VTCN1: variants seen among roughly 807,000 people sequenced by gnomAD.
The protein encoded by VTCN1 is V-set domain-containing T-cell activation inhibitor 1.
A neutral mutation model predicts 26.5 loss-of-function variants in VTCN1; 26 were observed. That is an observed-to-expected ratio of 0.98 (90% CI 0.72 to 1.36). The LOEUF (loss-of-function observed/expected upper bound fraction) is 1.36, where lower values mean the gene tolerates loss of function less well. Ranked by LOEUF, VTCN1 falls within the 40% of genes most tolerant of loss-of-function variation. The pLI, the probability that VTCN1 is intolerant of heterozygous loss-of-function variation, is 0.00. For synonymous variants in VTCN1, 116 were observed against 130.7 expected (o/e 0.89, Z 0.77); for missense variants, 298 against 337.7 (o/e 0.88, Z 0.92).
Position 117,153,344 on chromosome 1 carries a change from C to T in VTCN1, c.471G>A (p.Val157=), listed in dbSNP as rs183932370. The T allele has an allele frequency of 6.2e-7, 1 of 1,610,102 alleles. No individual in the cohort carries two copies. The highest frequency in any genetic ancestry group is 2.2e-5 in the East Asian group (1 of 44,726). Residue 157 remains valine (V), a synonymous_variant, in exon 4 of 6, where the codon GTG becomes GTA. Transcript: ENST00000369458. ...AGGTCTCTGAGCTGGCATTATAGTCCACATTCACTTCCGGCATGCTGAAGG... is the reference window on the plus strand; with the variant it reads ...AGGTCTCTGAGCTGGCATTATAGTCTACATTCACTTCCGGCATGCTGAAGG... ...TGAFSMPEVN[V]DYNASSETLR... is the part of the protein sequence containing the mutation.
intron 2 of VTCN1, among the ~76,000 whole-genome samples, chr1:117,168,544 G>T (rs909355359): frequency 6.6e-6 from 1 of 152,074 alleles, no homozygotes; most frequent in Non-Finnish European, 1.5e-5. Context: ...CAAGTATAAA[G>T]AAAAGGATCA....
At position 117,145,981 on chromosome 1, in the gene VTCN1, A is replaced by G. The variant is rs531442988; in HGVS notation, c.*46-756T>C. On this transcript the variant is annotated intron_variant, in intron 5 of 5. Coordinates refer to ENST00000369458, the MANE Select transcript of VTCN1 (RefSeq NM_024626.4). The surrounding 1 kb of genome is among the most constrained non-coding windows in gnomAD (Gnocchi z 4.6). Reference sequence around the variant, plus strand: ...CTACTTGATTTATGGTTATTCCTCTATGGTGCCAGGGAGAAAGAGGTGGAC... The same window carrying G: ...CTACTTGATTTATGGTTATTCCTCTGTGGTGCCAGGGAGAAAGAGGTGGAC... Among the ~76,000 whole-genome samples the G allele has an allele frequency of 3.0e-4, 46 of 152,282 alleles. No individual in the cohort carries two copies. The highest frequency in any genetic ancestry group is 9.6e-4 in the African/African-American group (40 of 41,560).
intron 3 of VTCN1, 85 bp downstream of exon 3, chr1:117,156,489 C>T: frequency 7.3e-7 from 1 of 1,363,876 alleles, no homozygotes; most frequent in Non-Finnish European, 9.8e-7. Flanking sequence ...TGATATTGGT[C>T]ACAACATATT....
intron 2 of VTCN1, among the ~76,000 whole-genome samples, chr1:117,160,378 T>C (rs890699538): frequency 1.7e-4 from 26 of 152,238 alleles, no homozygotes; most frequent in African/African-American, 5.5e-4. Flanking sequence ...GCTTCTTTAT[T>C]GGTATTTCTA....
intron 4 of VTCN1, among the ~76,000 whole-genome samples, chr1:117,150,584 T>C (rs1423034431): frequency 2.0e-5 from 3 of 151,728 alleles, no homozygotes; most frequent in African/African-American, 7.3e-5. Flanking sequence ...GCTCTCGCTC[T>C]CATATGTAAT....
rs1249118198 is a variant in VTCN1 at position 117,167,392 on chromosome 1, T to A, written c.97+2715A>T. Among the ~76,000 whole-genome samples, 1 of 152,218 alleles carries A rather than the reference T, an allele frequency of 6.6e-6. No homozygotes were observed. Among genetic ancestry groups the A allele is most frequent in the Admixed American group, 6.5e-5 (1 of 15,272 alleles). On this transcript the variant is annotated intron_variant, in intron 2 of 5. Coordinates refer to ENST00000369458, the MANE Select transcript of VTCN1 (RefSeq NM_024626.4). This position sits in a 1 kb window ranked among gnomAD's most constrained non-coding sequence, Gnocchi z 4.1. Reference sequence around the variant, plus strand: ...TCCCCAAAGGTAATAAGAACCATTATTCTACCTTTGACCAGCAGAGATCCA... The same window carrying A: ...TCCCCAAAGGTAATAAGAACCATTAATCTACCTTTGACCAGCAGAGATCCA...
intron 4 of VTCN1, among the ~76,000 whole-genome samples, chr1:117,148,098 C>T (rs761267791): frequency 7.2e-5 from 11 of 152,162 alleles, no homozygotes; most frequent in South Asian, 6.2e-4. Flanking sequence ...TGGCTTGAGA[C>T]GCATTTTCCC....
At chr1:117,190,936 T>A (rs944766695) in intron 1 of VTCN1, among the ~76,000 whole-genome samples, 2 of 152,208 alleles carry the variant, frequency 1.3e-5, no homozygotes, top group Non-Finnish European at 2.9e-5. Flanking sequence ...TATGAAAGTC[T>A]ATTAATTGCC....
At chr1:117,188,242 GGACA>G (rs918106796) in intron 1 of VTCN1, among the ~76,000 whole-genome samples, 19 of 152,084 alleles carry the variant, frequency 1.2e-4, no homozygotes, top group Admixed American at 6.6e-4. Context: ...GGAGAGAGAC[GGACA>G]GACAGAGACA....
intron 1 of VTCN1, among the ~76,000 whole-genome samples, chr1:117,171,210 T>C (rs886196042): frequency 6.6e-6 from 1 of 152,246 alleles, no homozygotes; most frequent in Non-Finnish European, 1.5e-5. Context: ...TGCATAGTAT[T>C]CTATGGTGTA....
intron 1 of VTCN1, among the ~76,000 whole-genome samples, chr1:117,199,184 A>G (rs1399737816): frequency 6.7e-6 from 1 of 148,800 alleles, no homozygotes; most frequent in Non-Finnish European, 1.5e-5. Flanking sequence ...TTTTAAAGGG[A>G]TTACATTTTC....
intron 1 of VTCN1, among the ~76,000 whole-genome samples, chr1:117,193,489 T>A (rs1648351646): frequency 6.6e-6 from 1 of 152,134 alleles, no homozygotes; most frequent in Admixed American, 6.5e-5. Context: ...CAAAATTTGT[T>A]GTGAAGACAA....
intron 1 of VTCN1, among the ~76,000 whole-genome samples, chr1:117,193,525 G>A (rs1031546879): frequency 1.3e-4 from 19 of 151,970 alleles, no homozygotes; most frequent in African/African-American, 4.6e-4. Flanking sequence ...TAATGACAAA[G>A]GGGTCAATTC....
At chr1:117,184,666 G>GGAAGAAA (rs1647847501) in intron 1 of VTCN1, among the ~76,000 whole-genome samples, 1 of 152,068 alleles carries the variant, frequency 6.6e-6, no homozygotes, top group South Asian at 2.1e-4. Context: ...TTCTTCACTT[G>GGAAGAAA]GTGCCCTTCT....
chr1:117,189,371 T>C (rs542014301), intron 1 of VTCN1, among the ~76,000 whole-genome samples: 1 of 152,174 alleles, frequency 6.6e-6, no homozygotes, highest in Non-Finnish European at 1.5e-5. Context: ...TTGGAGAATG[T>C]GGAGATTTAG....
chr1:117,192,977 A>ATATAT (rs1648318103), intron 1 of VTCN1, among the ~76,000 whole-genome samples: 1 of 152,132 alleles, frequency 6.6e-6, no homozygotes, highest in East Asian at 1.9e-4. Flanking sequence ...ATATATTAGG[A>ATATAT]AGAAAACAAA....
Position 117,153,264 on chromosome 1 carries a change from T to C in VTCN1, c.551A>G (p.Gln184Arg). The C allele has an allele frequency of 6.2e-7, 1 of 1,614,068 alleles. No homozygotes were observed. The highest frequency in any genetic ancestry group is 1.1e-5 in the South Asian group (1 of 91,088). Residue 184 changes from glutamine (Q) to arginine (R), a missense_variant, in exon 4 of 6, where the codon CAA (glutamine) becomes CGA (arginine). Gln to Arg is a conservative substitution (Grantham distance 43). Coordinates refer to ENST00000369458, the MANE Select transcript of VTCN1 (RefSeq NM_024626.4). ...FPQPTVVWAS[Q>R]VDQGANFSEV... ...CGAGAAGTTGGCTCCCTGGTCAACTTGGGATGCCCAGACCACTGTGGGCTG... is the reference window on the plus strand; with the variant it reads ...CGAGAAGTTGGCTCCCTGGTCAACTCGGGATGCCCAGACCACTGTGGGCTG...
Position 117,175,395 on chromosome 1 carries a change from G to A in VTCN1, c.33-5224C>T, listed in dbSNP as rs777252881. 1.2e-4 allele frequency among the ~76,000 whole-genome samples: 19 copies of A among 152,210 alleles called. No homozygotes were observed. The highest frequency in any genetic ancestry group is 3.9e-4 in the Admixed American group (6 of 15,284). On this transcript the variant is annotated intron_variant, in intron 1 of 5. Transcript: ENST00000369458. This position sits in a 1 kb window ranked among gnomAD's most constrained non-coding sequence, Gnocchi z 4.2. ...CTCCCGCTGCTGGGTGCTGTGAGCC[G>A]GCGTGGTCGCTGTGAAGCGGATGTG... is the stretch of plus-strand genomic sequence containing the variant.
At chr1:117,178,403 T>C (rs558012945) in intron 1 of VTCN1, among the ~76,000 whole-genome samples, 1 of 151,256 alleles carries the variant, frequency 6.6e-6, no homozygotes, top group African/African-American at 2.4e-5. Flanking sequence ...ATTACAGGCA[T>C]GTGCCACCAT....
Sources: allele counts gnomAD v4.1 joint callset (sites outside exome capture counted in the v4.1 genomes callset), GRCh38; gene constraint gnomAD v4.1.1; non-coding constraint Gnocchi (gnomAD v3.1); transcripts MANE v1.5; gene names NCBI Gene and HGNC (gene_info 2026-07-23, HGNC 2026-07-21).